IL1RAPL2: variants seen among roughly 807,000 people sequenced by gnomAD.
IL1RAPL2 encodes the protein X-linked interleukin-1 receptor accessory protein-like 2.
In IL1RAPL2, 3 loss-of-function variants were observed where a neutral mutation model predicts 44.1. The observed-to-expected ratio is 0.07, with a 90% CI of 0.03 to 0.18. The LOEUF (loss-of-function observed/expected upper bound fraction) is 0.18. Ranked by LOEUF, IL1RAPL2 falls within the 10% of genes least tolerant of loss-of-function variation. IL1RAPL2 has a pLI of 1.00. For synonymous variants in IL1RAPL2, 181 were observed against 178.8 expected, an observed-to-expected ratio of 1.01 and a Z score of -0.10; for missense variants, 391 against 496.4, an observed-to-expected ratio of 0.79 and a Z score of 2.02.
At chrX:105,374,129 A>G (rs865919642) in intron 5 of IL1RAPL2, among the ~76,000 whole-genome samples, 21 of 103,251 alleles carry the variant, frequency 2.0e-4, no homozygotes, top group African/African-American at 8.3e-4. Flanking sequence ...AAAAAAAAAA[A>G]AAAAAAAGAA....
chrX:104,684,735 G>T (rs1264368635), intron 2 of IL1RAPL2, among the ~76,000 whole-genome samples: 1 of 112,465 alleles, frequency 8.9e-6, no homozygotes, highest in Non-Finnish European at 1.9e-5. Flanking sequence ...AGAAGTGGGT[G>T]TGTAGGCATG....
chrX:105,550,812 G>T (rs1354307263), intron 6 of IL1RAPL2, among the ~76,000 whole-genome samples: 1 of 111,180 alleles, frequency 9.0e-6, no homozygotes, highest in African/African-American at 3.3e-5. Flanking sequence ...ACAAAGAGTG[G>T]TTGTCTCTAT....
intron 2 of IL1RAPL2, among the ~76,000 whole-genome samples, chrX:104,921,984 G>A (rs957465287): frequency 2.7e-5 from 3 of 112,034 alleles, no homozygotes; most frequent in African/African-American, 9.7e-5. Flanking sequence ...CAGGAGAGGC[G>A]CCGCCACCCC....
At chrX:105,029,722 G>A (rs2034818446) in intron 2 of IL1RAPL2, among the ~76,000 whole-genome samples, 1 of 110,631 alleles carries the variant, frequency 9.0e-6, no homozygotes, top group Non-Finnish European at 1.9e-5. Flanking sequence ...ACGTGTGCAT[G>A]TATCTTTATA....
intron 5 of IL1RAPL2, among the ~76,000 whole-genome samples, chrX:105,278,209 A>C (rs1258454088): frequency 1.5e-4 from 17 of 111,682 alleles, no homozygotes; most frequent in Admixed American, 1.1e-3. Flanking sequence ...GGGGTTGAAC[A>C]AGTTAGAGCA....
At chrX:105,137,141 A>G (rs898478862) in intron 2 of IL1RAPL2, among the ~76,000 whole-genome samples, 6 of 112,068 alleles carry the variant, frequency 5.4e-5, no homozygotes, top group Non-Finnish European at 1.1e-4. Context: ...AGTAGACAGC[A>G]CTGTAAGAGG....
At chrX:105,442,268 A>T (rs1372080756) in intron 5 of IL1RAPL2, among the ~76,000 whole-genome samples, 1 of 108,827 alleles carries the variant, frequency 9.2e-6, no homozygotes, top group African/African-American at 3.4e-5. Flanking sequence ...GTTAGCTAGG[A>T]TGGTCTTGGC....
At chrX:105,173,287 C>T (rs1011985991) in intron 2 of IL1RAPL2, among the ~76,000 whole-genome samples, 2 of 111,977 alleles carry the variant, frequency 1.8e-5, no homozygotes, top group Non-Finnish European at 3.8e-5. Context: ...AACAACCTAG[C>T]GATATGATGA....
rs1932339879 is a variant in IL1RAPL2 at position 104,756,386 on chromosome X, A to T, written c.82+97391A>T. On this transcript the variant is annotated intron_variant, in intron 2 of 10. Coordinates refer to ENST00000372582, the MANE Select transcript of IL1RAPL2 (RefSeq NM_017416.2). ...GAATATCATGCAACACAACAGAGAG[A>T]TCTTCTCATAAAGTAGTTGTCTTTT... Among the ~76,000 whole-genome samples the T allele has an allele frequency of 2.7e-5, 3 of 111,252 alleles. No individual in the cohort carries two copies. In the Admixed American group the frequency reaches 2.9e-4, roughly 11 times the overall value.
intron 5 of IL1RAPL2, among the ~76,000 whole-genome samples, chrX:105,453,148 C>A (rs2036030778): frequency 9.4e-6 from 1 of 106,490 alleles, no homozygotes; most frequent in Non-Finnish European, 2.0e-5. Context: ...ATCTCTCCAC[C>A]CCACTCCCCG....
At chrX:105,029,360 C>T (rs1315834585) in intron 2 of IL1RAPL2, among the ~76,000 whole-genome samples, 2 of 103,427 alleles carry the variant, frequency 1.9e-5, no homozygotes, top group African/African-American at 3.5e-5. Flanking sequence ...ATTAACTCGT[C>T]ATTTAGCATT....
intron 2 of IL1RAPL2, among the ~76,000 whole-genome samples, chrX:104,908,302 C>T (rs1287225762): frequency 1.8e-5 from 2 of 111,564 alleles, no homozygotes; most frequent in Admixed American, 9.5e-5. Flanking sequence ...AGTCCATTTA[C>T]ATTTAAAGTT....
chrX:105,270,324 C>A (rs900008364), intron 5 of IL1RAPL2, among the ~76,000 whole-genome samples: 21 of 111,186 alleles, frequency 1.9e-4, no homozygotes, highest in Non-Finnish European at 3.4e-4. Context: ...TTTATAGGCC[C>A]CAATTTGTTT....
At chrX:105,263,349 T>C (rs2034375452) in intron 4 of IL1RAPL2, among the ~76,000 whole-genome samples, 1 of 111,573 alleles carries the variant, frequency 9.0e-6, no homozygotes, top group Non-Finnish European at 1.9e-5. Context: ...GCTTTGTGCT[T>C]AAACCTCAGA....
intron 2 of IL1RAPL2, among the ~76,000 whole-genome samples, chrX:104,839,718 G>C (rs1199959264): frequency 9.0e-6 from 1 of 111,329 alleles, no homozygotes; most frequent in Non-Finnish European, 1.9e-5. Context: ...ATCTGGTCCT[G>C]GGCTTTTTTT....
In IL1RAPL2 at chrX:104,585,150, CAT is replaced by C. The variant is rs369607507; in HGVS notation, c.-20+18107_-20+18108del. ...ACAAAAAGACATATATACACACACA[CAT>C]ATATATACACACATATGTATATATA... On this transcript the variant is annotated intron_variant, in intron 1 of 10. Coordinates refer to ENST00000372582, the MANE Select transcript of IL1RAPL2 (RefSeq NM_017416.2). 9.6e-5 allele frequency among the ~76,000 whole-genome samples: 7 copies of C among 73,179 alleles called. No homozygotes were observed. The Admixed American group carries it at 1.2e-3, about 13-fold the overall frequency. 63.5% of individuals were successfully genotyped at this position (73,179 alleles called of 115,157 possible).
chrX:105,099,849 C>T (rs1309686093), intron 2 of IL1RAPL2, among the ~76,000 whole-genome samples: 2 of 110,278 alleles, frequency 1.8e-5, no homozygotes, highest in South Asian at 7.8e-4. Flanking sequence ...GAGGAATCCA[C>T]CCCCATGACC....
intron 2 of IL1RAPL2, among the ~76,000 whole-genome samples, chrX:104,763,823 C>T (rs989834447): frequency 5.4e-5 from 6 of 111,182 alleles, no homozygotes; most frequent in South Asian, 3.9e-4. Context: ...TCCCATGACA[C>T]GTGGGGATTA....
intron 5 of IL1RAPL2, among the ~76,000 whole-genome samples, chrX:105,283,095 T>C (rs2034544473): frequency 9.0e-6 from 1 of 111,409 alleles, no homozygotes; most frequent in Non-Finnish European, 1.9e-5. Context: ...GAAACCGTTA[T>C]TCACCCTCAC....
Sources: gnomAD v4.1 joint callset for allele counts (sites outside exome capture counted in the v4.1 genomes callset) on GRCh38, gnomAD v4.1.1 for gene constraint, MANE v1.5 for transcripts, NCBI Gene and HGNC (gene_info 2026-07-23, HGNC 2026-07-21) for gene names.